Variants in SMC2 observed in about 807,000 individuals in gnomAD.
The protein encoded by SMC2 is structural maintenance of chromosomes protein 2.
In SMC2, 41 loss-of-function variants were observed where a neutral mutation model predicts 142.6. The ratio of observed to expected loss-of-function variants is 0.29; its 90% confidence interval spans 0.22 to 0.37. SMC2 has a LOEUF of 0.37. SMC2 is among the 10% of genes least tolerant of loss of function. The pLI is 1.00. For missense variants in SMC2, 1,265 were observed against 1,373.7 expected, an observed-to-expected ratio of 0.92 and a Z score of 1.25; for synonymous variants, 463 against 457.5, an observed-to-expected ratio of 1.01 and a Z score of -0.15.
At chr9:104,114,856 T>G (rs1832905466) in intron 13 of SMC2, 27 bp downstream of exon 13, 1 of 1,576,506 alleles carries the variant, frequency 6.3e-7, no homozygotes, top group Non-Finnish European at 8.6e-7. Flanking sequence ...TTTAAAAAAT[T>G]TAAAATTTGG....
chr9:104,126,716 G>A lies in SMC2; in HGVS notation c.2527G>A (p.Val843Ile). 6.2e-7 allele frequency: 1 copy of A among 1,612,964 alleles called. No homozygotes were observed. The highest frequency in any genetic ancestry group is 2.2e-5 in the East Asian group (1 of 44,844). The change falls in exon 19 of 25, where the codon GTA becomes ATA. Residue 843 changes from valine (V) to isoleucine (I), a missense_variant. Coordinates refer to ENST00000374793, the MANE Select transcript of SMC2 (RefSeq NM_006444.3). ...HTSYKQQLEA[V>I]NEAIKSYESQ... ...ATCTTACAAACAACAGCTTGAAGCT[G>A]TAAATGAAGCTATCAAATCCTATGA...
chr9:104,106,973 C>T (rs1831869347), intron 9 of SMC2, among the ~76,000 whole-genome samples: 2 of 152,174 alleles, frequency 1.3e-5, no homozygotes, highest in South Asian at 4.1e-4. Context: ...CCCCGCCATA[C>T]TATTAGTAGG....
At chr9:104,117,961 T>C (rs1833316102) in intron 14 of SMC2, among the ~76,000 whole-genome samples, 1 of 152,344 alleles carries the variant, frequency 6.6e-6, no homozygotes, top group South Asian at 2.1e-4. Context: ...ATATTTTACT[T>C]AGCAATAAAT....
At chr9:104,114,610 C>T in intron 12 of SMC2, 81 bp from the exon 13 acceptor site, 3 of 1,256,274 alleles carry the variant, frequency 2.4e-6, no homozygotes, top group Non-Finnish European at 2.2e-6. Context: ...ATGTGTTGTC[C>T]AAAAGAGCTC....
intron 14 of SMC2, among the ~76,000 whole-genome samples, 156 bp downstream of exon 14, chr9:104,116,475 T>TAGAG (rs1485813640): frequency 6.6e-6 from 1 of 152,158 alleles, no homozygotes; most frequent in East Asian, 1.9e-4. Flanking sequence ...GATAAGAGAA[T>TAGAG]AGAGATGTTG....
At chr9:104,126,850 G>A in intron 19 of SMC2, 66 bp downstream of exon 19, 1 of 1,430,412 alleles carries the variant, frequency 7.0e-7, no homozygotes, top group Non-Finnish European at 9.5e-7. Context: ...ATTAGCTTAA[G>A]ATGTTTGACT....
intron 16 of SMC2, among the ~76,000 whole-genome samples, chr9:104,121,915 C>T (rs147061602): frequency 9.6e-4 from 146 of 152,246 alleles, no homozygotes; most frequent in African/African-American, 3.0e-3. Context: ...CCACCACACC[C>T]GGCTAATTTT....
rs1359767539 is a variant in SMC2, at chr9:104,138,120, C to G, written c.3372C>G (p.Thr1124=). The G allele has an allele frequency of 1.2e-6, 2 of 1,608,898 alleles. No homozygotes were observed. Among genetic ancestry groups the G allele is most frequent in the East Asian group, 4.5e-5 (2 of 44,774 alleles). The change falls in exon 24 of 25, where the codon ACC becomes ACG. Residue 1124 remains threonine, a synonymous_variant. Transcript: ENST00000374793. ...ATGCAGCCTTGGATCTTTCTCATAC[C>G]CAAAACATTGGACAGATGCTGCGTA... The part of the protein sequence containing the change: ...EVDAALDLSH[T]QNIGQMLRTH...
intron 2 of SMC2, 43 bp downstream of exon 2, chr9:104,095,595 G>A (rs202147743): frequency 1.3e-6 from 2 of 1,515,266 alleles, no homozygotes; most frequent in Non-Finnish European, 1.8e-6. Flanking sequence ...TAAGTTGGCA[G>A]GAGAATCCTC....
chr9:104,116,159 A>AT (rs761416947), intron 13 of SMC2, 41 bp from the exon 14 acceptor site: 1 of 1,544,162 alleles, frequency 6.5e-7, no homozygotes, highest in South Asian at 1.2e-5. Flanking sequence ...ATTTTCTGTC[A>AT]TTTTTAACAT....
intron 21 of SMC2, among the ~76,000 whole-genome samples, chr9:104,131,317 C>T (rs1289428290): frequency 6.6e-6 from 1 of 152,036 alleles, no homozygotes; most frequent in Non-Finnish European, 1.5e-5. Context: ...TTCAAAGGAG[C>T]TGTAAAAGAC....
Position 104,127,367 on chromosome 9 carries a change from T to C in SMC2, c.2677T>C (p.Tyr893His), listed in dbSNP as rs1834426775. The change falls in exon 20 of 25, where the codon TAT becomes CAT. Residue 893 changes from tyrosine (Y) to histidine (H), a missense_variant. Tyr to His is a moderately conservative substitution (Grantham distance 83). Around this residue, in one of 4 missense-constraint regions of SMC2, gnomAD observed 898 missense variants for 904.2 expected, o/e 0.99. Coordinates refer to ENST00000374793, the MANE Select transcript of SMC2 (RefSeq NM_006444.3). ...CCAAGACACTGTAATTAAAGCTAAA[T>C]ATGCAGAAGTGGCAAAACACAAGGA... Reference protein sequence around the residue: ...TAQDTVIKAKYAEVAKHKEQN... With the variant: ...TAQDTVIKAKHAEVAKHKEQN... 1 of 1,613,794 alleles carries C rather than the reference T, an allele frequency of 6.2e-7. No individual in the cohort carries two copies. The highest frequency in any genetic ancestry group is 1.1e-5 in the South Asian group (1 of 91,070).
Position 104,122,101 on chromosome 9 carries a change from T to C in SMC2, c.2133-1007T>C, listed in dbSNP as rs1427245723. Among the ~76,000 whole-genome samples the C allele has an allele frequency of 2.0e-5, 3 of 152,238 alleles. No individual in the cohort carries two copies. The East Asian group carries it at 5.8e-4, about 29-fold the overall frequency. ...AATGAATTTTTTTCTGTGAGAAGAGTAGAACAGAATTTTTCTGTGATATGT... is the reference window on the plus strand; with the variant it reads ...AATGAATTTTTTTCTGTGAGAAGAGCAGAACAGAATTTTTCTGTGATATGT... On this transcript the variant is annotated intron_variant, in intron 16 of 24. Transcript: ENST00000374793.
Position 104,096,300 on chromosome 9 carries a change from G to A in SMC2, c.318+3G>A, listed in dbSNP as rs1391521482. The A allele has an allele frequency of 6.2e-7, 1 of 1,613,770 alleles. No homozygotes were observed. Among genetic ancestry groups the A allele is most frequent in the Admixed American group, 1.7e-5 (1 of 59,966 alleles). The stretch of plus-strand genomic sequence containing the variant: ...ATGAAATCACAGTAACAAGGCAGGT[G>A]AGTGGCAATTAAACCTTTGGGTATC... On this transcript the variant is annotated splice_donor_region_variant and intron_variant, in intron 3 of 24. Coordinates refer to ENST00000374793, the MANE Select transcript of SMC2 (RefSeq NM_006444.3).
chr9:104,123,317 G>A (rs923640294), intron 17 of SMC2, 85 bp downstream of exon 17: 4 of 1,345,582 alleles, frequency 3.0e-6, no homozygotes, highest in Admixed American at 4.6e-5. Context: ...CCTGTGCTAT[G>A]TTTAAGATAT....
intron 9 of SMC2, 42 bp downstream of exon 9, chr9:104,102,615 G>A (rs1831292340): frequency 6.3e-7 from 1 of 1,577,154 alleles, no homozygotes; most frequent in African/African-American, 1.4e-5. Flanking sequence ...TTGTAGACAA[G>A]TATATAGTCT....
chr9:104,125,770 C>G (rs1262422067), intron 18 of SMC2, among the ~76,000 whole-genome samples: 2 of 152,140 alleles, frequency 1.3e-5, no homozygotes, highest in African/African-American at 4.8e-5. Flanking sequence ...TTTGTTATAT[C>G]TTTTAGCTAA....
At position 104,140,363 on chromosome 9, in the gene SMC2, A is replaced by G. The variant is rs1197994647; in HGVS notation, c.*1048A>G. ...AGCGAACACCATGAGAATACTGTCT[A>G]CAGTTTTTGGTACGTCATCACTAGA... is the stretch of plus-strand genomic sequence containing the variant. On this transcript the variant is annotated 3_prime_UTR_variant, in exon 25 of 25. Transcript: ENST00000374793. The G allele has an allele frequency of 1.3e-5, 2 of 152,128 alleles. No homozygotes were observed. Among genetic ancestry groups the G allele is most frequent in the African/African-American group, 2.4e-5 (1 of 41,444 alleles). The allele number at this position is 152,128 out of a possible 1,614,324, so 9.4% of individuals were successfully genotyped here. A position where few individuals can be genotyped will look rare whatever the true frequency, so the allele number is the denominator to read the frequency against.
intron 16 of SMC2, 95 bp from the exon 17 acceptor site, chr9:104,123,013 G>A: frequency 1.6e-6 from 2 of 1,281,942 alleles, no homozygotes; most frequent in Non-Finnish European, 2.2e-6. Flanking sequence ...TATAACGTAT[G>A]TGAGTTTATT....
Sources: allele counts gnomAD v4.1 joint callset (sites outside exome capture counted in the v4.1 genomes callset), GRCh38; gene constraint gnomAD v4.1.1; regional missense constraint gnomAD v4.1.1; transcripts MANE v1.5; gene names NCBI Gene and HGNC (gene_info 2026-07-23, HGNC 2026-07-21).